Variants in USP49 observed in about 807,000 individuals in gnomAD.
USP49 encodes the protein ubiquitin specific peptidase 49.
In USP49, 24 loss-of-function variants were observed where a neutral mutation model predicts 58.6. The ratio of observed to expected loss-of-function variants is 0.41; its 90% confidence interval spans 0.30 to 0.58. The LOEUF (loss-of-function observed/expected upper bound fraction) is 0.58. Ranked by LOEUF, USP49 falls within the 20% of genes least tolerant of loss-of-function variation. USP49 has a pLI of 0.30. For missense variants in USP49, 703 were observed against 866.1 expected, an observed-to-expected ratio of 0.81 and a Z score of 2.36; for synonymous variants, 408 against 365.1, an observed-to-expected ratio of 1.12 and a Z score of -1.34.
chr6:41,851,820 C>T (rs543510658), intron 3 of USP49, among the ~76,000 whole-genome samples: 3 of 151,150 alleles, frequency 2.0e-5, no homozygotes, highest in Non-Finnish European at 4.4e-5. Flanking sequence ...CCAGGCATTG[C>T]GGCGGGCACC....
At chr6:41,868,512 G>A (rs1774360243) in intron 3 of USP49, 2 of 151,988 alleles carry the variant, frequency 1.3e-5, no homozygotes, top group African/African-American at 4.8e-5. Flanking sequence ...ATTTTTAGTA[G>A]AGATGGGGGT....
intron 1 of USP49, among the ~76,000 whole-genome samples, chr6:41,892,581 T>C (rs915456919): frequency 1.3e-4 from 20 of 152,218 alleles, no homozygotes; most frequent in African/African-American, 4.6e-4. Context: ...ACTATGCCAC[T>C]AACACAGTAG....
chr6:41,885,584 A>G (rs1231331549), intron 2 of USP49, among the ~76,000 whole-genome samples: 1 of 152,080 alleles, frequency 6.6e-6, no homozygotes, highest in Non-Finnish European at 1.5e-5. Flanking sequence ...GGATCACTTG[A>G]GGTCAGGAGT....
chr6:41,882,504 A>G (rs74763719), intron 2 of USP49, among the ~76,000 whole-genome samples: 4,794 of 152,316 alleles, frequency 0.031, 126 homozygotes, highest in African/African-American at 0.065. Context: ...CCATAAAGCT[A>G]AAAGAAATTT....
At chr6:41,864,408 C>T (rs944695533) in intron 3 of USP49, among the ~76,000 whole-genome samples, 6 of 151,768 alleles carry the variant, frequency 4.0e-5, no homozygotes, top group Non-Finnish European at 8.8e-5. Flanking sequence ...ACTAAAAAAA[C>T]AAAAATTAGC....
intron 3 of USP49, among the ~76,000 whole-genome samples, chr6:41,869,142 G>A (rs139103793): frequency 3.4e-3 from 468 of 138,074 alleles, no homozygotes; most frequent in African/African-American, 0.012. Context: ...ATAGATTACT[G>A]TTTCTAAGTG....
At chr6:41,847,759 C>G (rs78885160) in intron 3 of USP49, among the ~76,000 whole-genome samples, 2,557 of 151,654 alleles carry the variant, frequency 0.017, 55 homozygotes, top group African/African-American at 0.051. Context: ...AACAGATTGG[C>G]AAAGAGCACA....
intron 3 of USP49, among the ~76,000 whole-genome samples, chr6:41,837,542 G>A (rs1212115400): frequency 6.6e-6 from 1 of 152,130 alleles, no homozygotes; most frequent in Non-Finnish European, 1.5e-5. Context: ...CACAGGCCCT[G>A]GCAAAGATTT....
At chr6:41,865,034 T>A (rs2250428) in intron 3 of USP49, among the ~76,000 whole-genome samples, 67,530 of 151,880 alleles carry the variant, frequency 0.44, 15,275 homozygotes, top group Middle Eastern at 0.51. Context: ...TCATTTTTTT[T>A]ATTTTTATTT....
chr6:41,830,630 C>T (rs896803779), intron 3 of USP49, among the ~76,000 whole-genome samples: 1 of 152,018 alleles, frequency 6.6e-6, no homozygotes, highest in African/African-American at 2.4e-5. Context: ...AGTTCGAGAC[C>T]AGCCTGGCCA....
At chr6:41,871,872 A>G (rs1774417849) in intron 2 of USP49, among the ~76,000 whole-genome samples, 1 of 152,218 alleles carries the variant, frequency 6.6e-6, no homozygotes, top group Non-Finnish European at 1.5e-5. Flanking sequence ...GGAAGTATTA[A>G]AGGTTTACTT....
intron 2 of USP49, among the ~76,000 whole-genome samples, chr6:41,878,453 A>G (rs1358669833): frequency 1.3e-5 from 2 of 152,234 alleles, no homozygotes; most frequent in Non-Finnish European, 2.9e-5. Context: ...TCAGTCATCC[A>G]AGATAAATGC....
rs565068159 is a variant in USP49 at position 41,834,307 on chromosome 6, CAAT to C, written c.-28-27299_-28-27297del. Reference sequence around the variant, plus strand: ...TCTCATGCTGTTGAGAAAATGGAAACAATGATTATACAATAATAACAGCAATAA... The same window carrying C: ...TCTCATGCTGTTGAGAAAATGGAAACGATTATACAATAATAACAGCAATAA... On this transcript the variant is annotated intron_variant, in intron 3 of 7. Coordinates refer to ENST00000682992, the MANE Select transcript of USP49 (RefSeq NM_001286554.2). Among the ~76,000 whole-genome samples the C allele has an allele frequency of 4.3e-3, 659 of 152,250 alleles. 3 individuals carry two copies. The highest frequency in any genetic ancestry group is 0.015 in the African/African-American group (620 of 41,538).
At chr6:41,828,623 A>T (rs1045999073) in intron 3 of USP49, among the ~76,000 whole-genome samples, 1 of 152,192 alleles carries the variant, frequency 6.6e-6, no homozygotes, top group African/African-American at 2.4e-5. Context: ...TTCTGAATAC[A>T]AGGCCTCTGG....
rs566358808 is a variant in USP49, at chr6:41,846,273, C to T, written c.-29+25291G>A. On this transcript the variant is annotated intron_variant, in intron 3 of 7. Coordinates refer to ENST00000682992, the MANE Select transcript of USP49 (RefSeq NM_001286554.2). The stretch of plus-strand genomic sequence containing the variant: ...TGGAGGTTGCAGTGAGCCAAGATCG[C>T]GCCACTGCACTCCAGCCTGGGTGAC... Among the ~76,000 whole-genome samples, 12 of 151,762 alleles carry T rather than the reference C, an allele frequency of 7.9e-5. 1 individual carries two copies. Among genetic ancestry groups the T allele is most frequent in the African/African-American group, 1.9e-4 (8 of 41,368 alleles).
At position 41,884,098 on chromosome 6, in the gene USP49, A is replaced by C. The variant is rs191592901; in HGVS notation, c.-103+7696T>G. Among the ~76,000 whole-genome samples the C allele has an allele frequency of 7.5e-4, 114 of 152,042 alleles. 3 individuals carry two copies. The highest frequency in any genetic ancestry group is 6.8e-3 in the Admixed American group (104 of 15,278). ...GAGTGCAGTGGCACAATCTTGGCTCATTGCAACCTCCACCTGCTGGGTTCA... is the reference window on the plus strand; with the variant it reads ...GAGTGCAGTGGCACAATCTTGGCTCCTTGCAACCTCCACCTGCTGGGTTCA... On this transcript the variant is annotated intron_variant, in intron 2 of 7. Coordinates refer to ENST00000682992, the MANE Select transcript of USP49 (RefSeq NM_001286554.2).
intron 3 of USP49, among the ~76,000 whole-genome samples, chr6:41,857,475 T>C (rs185164409): frequency 1.3e-5 from 2 of 152,022 alleles, no homozygotes; most frequent in Non-Finnish European, 2.9e-5. Flanking sequence ...CAAAATCCTA[T>C]CTCTACAAAA....
Position 41,794,690 on chromosome 6 carries a change from G to A in USP49, c.*1843C>T, listed in dbSNP as rs970624944. ...TGACACTTTAAAACAGTGTCCAGGA[G>A]AGGGTGAGCCCAGGCAAAGCTTATA... On this transcript the variant is annotated 3_prime_UTR_variant, in exon 8 of 8. Coordinates refer to ENST00000682992, the MANE Select transcript of USP49 (RefSeq NM_001286554.2). The A allele has an allele frequency of 6.6e-6, 1 of 152,214 alleles. No individual in the cohort carries two copies. Among genetic ancestry groups the A allele is most frequent in the African/African-American group, 2.4e-5 (1 of 41,456 alleles). The allele number at this position is 152,214 out of a possible 1,614,324, so 9.4% of individuals were successfully genotyped here. A position where few individuals can be genotyped will look rare whatever the true frequency, so the allele number is the denominator to read the frequency against.
intron 2 of USP49, among the ~76,000 whole-genome samples, chr6:41,877,015 T>C (rs1314010054): frequency 2.0e-5 from 3 of 152,198 alleles, no homozygotes; most frequent in African/African-American, 7.2e-5. Flanking sequence ...AATTCTAAAA[T>C]TTTGTACATA....
Sources: allele counts gnomAD v4.1 joint callset (sites outside exome capture counted in the v4.1 genomes callset), GRCh38; gene constraint gnomAD v4.1.1; transcripts MANE v1.5; gene names NCBI Gene and HGNC (gene_info 2026-07-23, HGNC 2026-07-21).